The following PCSK6 variants were observed in gnomAD, a reference collection of about 807,000 sequenced individuals.
PCSK6 encodes proprotein convertase subtilisin/kexin type 6.
Under a neutral mutation model 123.3 loss-of-function variants are expected in PCSK6, and 85 were observed. The ratio of observed to expected loss-of-function variants is 0.69; its 90% CI spans 0.58 to 0.83. The LOEUF is 0.83. Among genes scored for constraint, PCSK6 ranks in the 40% least tolerant of loss-of-function variants. The probability of loss-of-function intolerance (pLI) is 0.00; values close to 1 mark genes in which losing one functional copy is unlikely to be tolerated. For missense variants in PCSK6, 1,191 were observed against 1,282.3 expected, an observed-to-expected ratio of 0.93 and a Z score of 1.09; for synonymous variants, 508 against 516.0, an observed-to-expected ratio of 0.98 and a Z score of 0.21.
intron 13 of PCSK6, among the ~76,000 whole-genome samples, chr15:101,363,318 G>A (rs2041289402): frequency 6.6e-6 from 1 of 152,194 alleles, no homozygotes; most frequent in Non-Finnish European, 1.5e-5. Context: ...GTTGAATGGT[G>A]TGCCCGGTTT....
rs746282462 is a variant in PCSK6 at position 101,432,056 on chromosome 15, T to G, written c.447A>C (p.Arg149Ser). 1.2e-6 allele frequency: 2 copies of G among 1,613,802 alleles called. No individual in the cohort carries two copies. The highest frequency in any genetic ancestry group is 2.2e-5 in the South Asian group (2 of 90,966). The change falls in exon 3 of 22, where the codon AGA (arginine) becomes AGC (serine). Residue 149 changes from arginine to serine, a missense_variant. This residue lies in a region of PCSK6 where 357 missense variants were observed against 484.5 expected (regional missense o/e 0.74). Coordinates refer to ENST00000611716, the MANE Select transcript of PCSK6 (RefSeq NM_002570.5). ...QQQEVKRRVK[R>S]QVRSDPQALY... ...GGGCCTGCGGGTCACTTCGCACCTGTCTCTTCACCCTTCGTTTCACTTCCT... is the reference window on the plus strand; with the variant it reads ...GGGCCTGCGGGTCACTTCGCACCTGGCTCTTCACCCTTCGTTTCACTTCCT...
chr15:101,477,447 C>T (rs954909025), intron 1 of PCSK6, among the ~76,000 whole-genome samples: 1 of 152,148 alleles, frequency 6.6e-6, no homozygotes, highest in Non-Finnish European at 1.5e-5. Context: ...AACTCCAAAA[C>T]ATTTCTTTTC....
intron 1 of PCSK6, among the ~76,000 whole-genome samples, chr15:101,468,144 GCT>G (rs1176852508): frequency 6.6e-6 from 1 of 152,198 alleles, no homozygotes; most frequent in Non-Finnish European, 1.5e-5. Context: ...TCATCTGAAT[GCT>G]CTGTGCCTCA....
At chr15:101,323,454 G>A (rs1462615159) in intron 17 of PCSK6, among the ~76,000 whole-genome samples, 1 of 152,346 alleles carries the variant, frequency 6.6e-6, no homozygotes, top group South Asian at 2.1e-4. Flanking sequence ...GTCTGGGACG[G>A]GTGAGGTGGC....
chr15:101,474,559 G>A lies in PCSK6; in HGVS notation c.297+14815C>T, dbSNP rs1044119043. 5.3e-5 allele frequency among the ~76,000 whole-genome samples: 8 copies of A among 152,256 alleles called. No individual in the cohort carries two copies. In the South Asian group the frequency reaches 1.0e-3, roughly 20 times the overall value. Reference sequence around the variant, plus strand: ...AACCCCCCTACCCTCTAATGGCATCGAGGATTGCTGAGGCCTTCACACATC... The same window carrying A: ...AACCCCCCTACCCTCTAATGGCATCAAGGATTGCTGAGGCCTTCACACATC... On this transcript the variant is annotated intron_variant, in intron 1 of 21. Coordinates refer to ENST00000611716, the MANE Select transcript of PCSK6 (RefSeq NM_002570.5).
rs1466238642 is a variant in PCSK6, at chr15:101,324,880, G to A, written c.2347C>T (p.Leu783Phe). Residue 783 changes from leucine to phenylalanine, a missense_variant, in exon 17 of 22, where the codon CTC (leucine) becomes TTC (phenylalanine). Transcript: ENST00000611716. The part of the protein sequence containing the change: ...HHQEMNTCVT[L>F]CPAGFYADES... ...TCAGCATAAAATCCTGCAGGACAGA[G>A]GGTCACACAGGTGTTCATCTCCTGG... 2 of 1,613,520 alleles carry A rather than the reference G, an allele frequency of 1.2e-6. No homozygotes were observed. Among genetic ancestry groups the A allele is most frequent in the African/African-American group, 1.3e-5 (1 of 75,048 alleles).
At chr15:101,465,345 C>T (rs1459846045) in intron 1 of PCSK6, among the ~76,000 whole-genome samples, 5 of 152,168 alleles carry the variant, frequency 3.3e-5, no homozygotes, top group Non-Finnish European at 7.3e-5. Flanking sequence ...GCTACTGAGA[C>T]GCACAGGTCC....
chr15:101,323,115 A>G (rs962619560), intron 17 of PCSK6, among the ~76,000 whole-genome samples: 1 of 152,192 alleles, frequency 6.6e-6, no homozygotes, highest in African/African-American at 2.4e-5. Flanking sequence ...CTGCAATGTC[A>G]TAACTTATTA....
intron 11 of PCSK6, among the ~76,000 whole-genome samples, chr15:101,376,218 G>A (rs964627304): frequency 2.0e-5 from 3 of 152,048 alleles, no homozygotes; most frequent in South Asian, 2.1e-4. Context: ...TCAGCCTCCC[G>A]AGTAGCTAGG....
At chr15:101,306,442 C>T (rs2039725696) in intron 21 of PCSK6, among the ~76,000 whole-genome samples, 1 of 152,152 alleles carries the variant, frequency 6.6e-6, no homozygotes, top group Non-Finnish European at 1.5e-5. Context: ...CCAGTGCCAG[C>T]TTCATACCCA....
At chr15:101,326,176 C>T (rs745735856) in intron 16 of PCSK6, among the ~76,000 whole-genome samples, 11 of 152,250 alleles carry the variant, frequency 7.2e-5, no homozygotes, top group African/African-American at 1.7e-4. Context: ...CTAATTTCTC[C>T]GTAATGGACA....
intron 11 of PCSK6, among the ~76,000 whole-genome samples, chr15:101,373,791 G>A (rs986610897): frequency 6.6e-5 from 10 of 152,186 alleles, no homozygotes; most frequent in Non-Finnish European, 1.2e-4. Flanking sequence ...AGGTAACGCT[G>A]AAAATGCAAG....
chr15:101,403,428 T>G (rs1421067955), intron 6 of PCSK6, among the ~76,000 whole-genome samples: 4 of 145,006 alleles, frequency 2.8e-5, no homozygotes, highest in South Asian at 2.1e-4. Flanking sequence ...TAATAATAAT[T>G]AAAAAAAAAG....
chr15:101,313,043 G>C (rs1259849445), intron 20 of PCSK6: 2 of 1,221,980 alleles, frequency 1.6e-6, no homozygotes, highest in Non-Finnish European at 2.1e-6. Flanking sequence ...TGGTTTCTCT[G>C]ATTATCGACA....
intron 7 of PCSK6, among the ~76,000 whole-genome samples, chr15:101,396,643 C>T (rs913893765): frequency 5.3e-5 from 8 of 152,048 alleles, no homozygotes; most frequent in Non-Finnish European, 1.2e-4. Context: ...TTCGGCAGTT[C>T]TTGGTGGGCA....
chr15:101,403,822 T>C (rs2042685882), intron 6 of PCSK6, among the ~76,000 whole-genome samples: 1 of 152,124 alleles, frequency 6.6e-6, no homozygotes, highest in African/African-American at 2.4e-5. Context: ...CGGGTTCAAG[T>C]GATTCTCCTG....
chr15:101,463,649 T>G (rs567920457), intron 1 of PCSK6, among the ~76,000 whole-genome samples: 1 of 152,296 alleles, frequency 6.6e-6, no homozygotes, highest in East Asian at 1.9e-4. Flanking sequence ...ACTGGGATAG[T>G]TGCCTTTCTG....
intron 1 of PCSK6, among the ~76,000 whole-genome samples, chr15:101,469,746 T>C (rs546823995): frequency 2.0e-5 from 3 of 152,316 alleles, no homozygotes; most frequent in Non-Finnish European, 4.4e-5. Flanking sequence ...GTTTGTCTCC[T>C]AGTTTGGCTT....
chr15:101,413,005 TGAGGAGGAGGAGGAG>T (rs925761371), intron 6 of PCSK6, among the ~76,000 whole-genome samples: 16 of 106,022 alleles, frequency 1.5e-4, no homozygotes, highest in African/African-American at 3.9e-4. Context: ...GGAGGAGGAG[TGAGGAGGAGGAGGAG>T]GAGGAGGAGG....
Sources: allele counts gnomAD v4.1 joint callset (sites outside exome capture counted in the v4.1 genomes callset), GRCh38; gene constraint gnomAD v4.1.1; regional missense constraint gnomAD v4.1.1; transcripts MANE v1.5; gene names NCBI Gene and HGNC (gene_info 2026-07-23, HGNC 2026-07-21).